The following DPH6 variants were observed in gnomAD, a reference collection of about 807,000 sequenced individuals.
The protein encoded by DPH6 is diphthamine biosynthesis 6.
In DPH6, 33 loss-of-function variants were observed where a neutral mutation model predicts 38.2. The observed-to-expected ratio is 0.86, with a 90% CI of 0.65 to 1.15. The LOEUF (loss-of-function observed/expected upper bound fraction) is 1.15, where lower values mean the gene tolerates loss of function less well. DPH6 is among the 50% of genes most tolerant of loss of function. DPH6 has a pLI of 0.00. For missense variants in DPH6, 325 were observed against 320.0 expected, an observed-to-expected ratio of 1.02 and a Z score of -0.12; for synonymous variants, 108 against 103.0, an observed-to-expected ratio of 1.05 and a Z score of -0.30.
At chr15:35,182,086 C>T in the DPH6 span, among the ~76,000 whole-genome samples, 1 of 151,578 alleles carries the variant, frequency 6.6e-6, no homozygotes, top group Admixed American at 6.6e-5. Flanking sequence ...TTTATTTAGT[C>T]TTTACATTTG....
At chr15:35,417,608 C>T (rs16960873) in intron 5 of DPH6, among the ~76,000 whole-genome samples, 46,520 of 151,876 alleles carry the variant, frequency 0.31, 7,841 homozygotes, top group African/African-American at 0.45. Context: ...AACCCACTTA[C>T]GTTTCTAAGC....
At chr15:35,186,929 G>A in the DPH6 span, among the ~76,000 whole-genome samples, 1 of 152,170 alleles carries the variant, frequency 6.6e-6, no homozygotes, top group East Asian at 1.9e-4. Context: ...GCTTAAAAAT[G>A]TAAAGAATAG....
At chr15:35,393,784 T>G (rs1042649111) in intron 6 of DPH6, among the ~76,000 whole-genome samples, 2 of 152,140 alleles carry the variant, frequency 1.3e-5, no homozygotes, top group African/African-American at 4.8e-5. Flanking sequence ...TTTGGGGTAG[T>G]GTCCTGAACT....
At chr15:35,394,110 T>C (rs1056630818) in intron 6 of DPH6, among the ~76,000 whole-genome samples, 1 of 152,182 alleles carries the variant, frequency 6.6e-6, no homozygotes, top group Non-Finnish European at 1.5e-5. Flanking sequence ...GTTATAAATA[T>C]CCCTCACTGT....
rs79570556 is a variant in DPH6, at chr15:35,527,241, A to G, written c.312+11033T>C. 5.2e-3 allele frequency among the ~76,000 whole-genome samples: 797 copies of G among 152,294 alleles called. 5 individuals carry two copies. The highest frequency in any genetic ancestry group is 0.034 in the East Asian group (176 of 5,184). On this transcript the variant is annotated intron_variant, in intron 3 of 8. Coordinates refer to ENST00000256538, the MANE Select transcript of DPH6 (RefSeq NM_080650.4). Reference sequence around the variant, plus strand: ...TCTGGAAGCTAGAGAATGAAGGAGAAGACCTGAGGCTAAAATGAGGATGAC... The same window carrying G: ...TCTGGAAGCTAGAGAATGAAGGAGAGGACCTGAGGCTAAAATGAGGATGAC...
intron 8 of DPH6, 84 bp downstream of exon 8, chr15:35,373,437 T>C: frequency 8.5e-7 from 1 of 1,174,958 alleles, no homozygotes; most frequent in South Asian, 1.9e-5. Flanking sequence ...TCCTGTCATC[T>C]GTTGTTACAG....
chr15:35,415,139 T>G (rs1383290164), intron 5 of DPH6, among the ~76,000 whole-genome samples: 1 of 151,990 alleles, frequency 6.6e-6, no homozygotes, highest in African/African-American at 2.4e-5. Flanking sequence ...ACATTTTTCC[T>G]TCTTATATTC....
At chr15:35,479,148 T>C (rs528835718) in intron 3 of DPH6, among the ~76,000 whole-genome samples, 1 of 152,208 alleles carries the variant, frequency 6.6e-6, no homozygotes, top group South Asian at 2.1e-4. Context: ...TATTCAACTG[T>C]AACAAGATTC....
chr15:35,153,201 A>G, the DPH6 span, among the ~76,000 whole-genome samples: 1 of 152,342 alleles, frequency 6.6e-6, no homozygotes. Flanking sequence ...AAAAGAGGTG[A>G]GCAGTTGCTG....
intron 6 of DPH6, chr15:35,400,812 G>T: frequency 1.3e-6 from 1 of 762,452 alleles, no homozygotes; most frequent in Non-Finnish European, 2.4e-6. Context: ...GAATGCTCAC[G>T]GACTGTGTGA....
At chr15:35,350,132 T>C (rs1377787828) in intron 3 of DPH6, among the ~76,000 whole-genome samples, 2 of 152,206 alleles carry the variant, frequency 1.3e-5, no homozygotes, top group East Asian at 1.9e-4. Flanking sequence ...TTACTCGTTA[T>C]TGGTCTACAA....
chr15:35,417,999 C>T (rs1167275945), intron 5 of DPH6, among the ~76,000 whole-genome samples: 2 of 152,070 alleles, frequency 1.3e-5, no homozygotes, highest in Non-Finnish European at 2.9e-5. Flanking sequence ...TGGGCTTTTT[C>T]AATGCAATTC....
At chr15:35,217,447 G>GT (rs1381969823) in exon 4 of DPH6, 1 of 152,262 alleles carries the variant, frequency 6.6e-6, no homozygotes, top group African/African-American at 2.4e-5. Flanking sequence ...TGCCTCCCGG[G>GT]TTCAAGCGAT....
rs760915793 is a variant in DPH6 at position 35,381,924 on chromosome 15, T to C, written c.568-8A>G. ...TCCATACTTCTTAGAAAGCTGAAAA[T>C]AGGAAAACACAAAAAACAAGAAAGA... On this transcript the variant is annotated splice_polypyrimidine_tract_variant and splice_region_variant and intron_variant, in intron 6 of 8. Coordinates refer to ENST00000256538, the MANE Select transcript of DPH6 (RefSeq NM_080650.4). 8 of 1,599,384 alleles carry C rather than the reference T, an allele frequency of 5.0e-6. No homozygotes were observed. Among genetic ancestry groups the C allele is most frequent in the Middle Eastern group, 1.7e-4 (1 of 6,040 alleles).
chr15:35,192,065 C>T, the DPH6 span, among the ~76,000 whole-genome samples: 5 of 152,200 alleles, frequency 3.3e-5, no homozygotes, highest in Non-Finnish European at 5.9e-5. Flanking sequence ...ATTTCAGTAA[C>T]ACGATGGTTG....
At chr15:35,395,285 A>G (rs764116114) in intron 6 of DPH6, among the ~76,000 whole-genome samples, 2 of 152,046 alleles carry the variant, frequency 1.3e-5, no homozygotes, top group Non-Finnish European at 2.9e-5. Flanking sequence ...GTGAGCTCTC[A>G]CACCTGTTTC....
intron 3 of DPH6, among the ~76,000 whole-genome samples, chr15:35,361,052 C>T (rs1412713896): frequency 1.3e-5 from 2 of 152,272 alleles, no homozygotes; most frequent in East Asian, 3.9e-4. Flanking sequence ...CCTGATTCCT[C>T]CCATGTGCCC....
chr15:35,314,401 A>T (rs1483508178), intron 3 of DPH6, among the ~76,000 whole-genome samples: 1 of 152,212 alleles, frequency 6.6e-6, no homozygotes, highest in Non-Finnish European at 1.5e-5. Flanking sequence ...TATGGAAATG[A>T]TGTTAAACAA....
At chr15:35,369,311 G>T (rs2052689251), downstream of DPH6, among the ~76,000 whole-genome samples, 1 of 151,554 alleles carries the variant, frequency 6.6e-6, no homozygotes, top group Admixed American at 6.6e-5. Context: ...TGGTATTCAG[G>T]GTACTACATT....
Sources: gnomAD v4.1 joint callset for allele counts (sites outside exome capture counted in the v4.1 genomes callset) on GRCh38, gnomAD v4.1.1 for gene constraint, MANE v1.5 for transcripts, NCBI Gene and HGNC (gene_info 2026-07-23, HGNC 2026-07-21) for gene names.